The following HCN1 variants were observed in gnomAD, a reference collection of about 807,000 sequenced individuals.
HCN1 encodes hyperpolarization activated cyclic nucleotide gated potassium channel 1.
HCN1 carries 13 observed loss-of-function variants against 78.9 expected under a neutral mutation model. The ratio of observed to expected loss-of-function variants is 0.16; its 90% CI spans 0.11 to 0.26. The LOEUF (loss-of-function observed/expected upper bound fraction) is 0.26, where lower values mean the gene tolerates loss of function less well. Among genes scored for constraint, HCN1 ranks in the 10% least tolerant of loss-of-function variants. The pLI is 1.00. For missense variants in HCN1, 810 were observed against 1,154.3 expected (o/e 0.70, Z 4.32); for synonymous variants, 552 against 455.5 (o/e 1.21, Z -2.70).
chr5:45,264,162 G>T (rs1744808148), intron 7 of HCN1, among the ~76,000 whole-genome samples: 3 of 152,278 alleles, frequency 2.0e-5, no homozygotes, highest in Admixed American at 2.0e-4. Context: ...CTGAATGGTT[G>T]TTGTGAGGAC....
Position 45,688,527 on chromosome 5 carries a change from T to G in HCN1, c.425+7142A>C, listed in dbSNP as rs1056638616. Among the ~76,000 whole-genome samples the G allele has an allele frequency of 2.6e-4, 40 of 152,116 alleles. 1 individual carries two copies. Among genetic ancestry groups the G allele is most frequent in the Non-Finnish European group, 7.4e-5 (5 of 67,972 alleles). ...GAGCTTTCATTGCTTTCATCTGAATTTATTAACTCTAAGATTAAATGTTCT... is the reference window on the plus strand; with the variant it reads ...GAGCTTTCATTGCTTTCATCTGAATGTATTAACTCTAAGATTAAATGTTCT... On this transcript the variant is annotated intron_variant, in intron 1 of 7. Coordinates refer to ENST00000303230, the MANE Select transcript of HCN1 (RefSeq NM_021072.4).
chr5:45,311,731 C>T (rs537496432), intron 5 of HCN1, among the ~76,000 whole-genome samples: 20 of 152,298 alleles, frequency 1.3e-4, no homozygotes, highest in Admixed American at 6.5e-5. Context: ...CATAAGGTTT[C>T]TCATTGAAAA....
chr5:45,404,498 A>ATTTT (rs34176530), intron 3 of HCN1, among the ~76,000 whole-genome samples: 5 of 146,332 alleles, frequency 3.4e-5, no homozygotes, highest in Non-Finnish European at 7.5e-5. Context: ...ACTGAAAATA[A>ATTTT]TTTTTTTTTT....
At chr5:45,390,653 G>A (rs1739534687) in intron 4 of HCN1, among the ~76,000 whole-genome samples, 1 of 152,044 alleles carries the variant, frequency 6.6e-6, no homozygotes, top group African/African-American at 2.4e-5. Flanking sequence ...TTATCACTGG[G>A]GAAAAGGGAT....
At chr5:45,505,551 G>C (rs940075605) in intron 2 of HCN1, among the ~76,000 whole-genome samples, 1 of 152,086 alleles carries the variant, frequency 6.6e-6, no homozygotes, top group African/African-American at 2.4e-5. Flanking sequence ...CTCCCGCTTT[G>C]TTCTTTTGGC....
intron 3 of HCN1, among the ~76,000 whole-genome samples, chr5:45,426,542 A>T (rs2112072614): frequency 6.6e-6 from 1 of 152,208 alleles, no homozygotes; most frequent in African/African-American, 2.4e-5. Flanking sequence ...CCCTGCACAT[A>T]CTTTCTCTTG....
chr5:45,610,950 A>T (rs1013976295), intron 2 of HCN1, among the ~76,000 whole-genome samples: 7 of 152,102 alleles, frequency 4.6e-5, no homozygotes, highest in Non-Finnish European at 7.4e-5. Flanking sequence ...TTTGTTTAAT[A>T]ATAATAAAAA....
intron 2 of HCN1, among the ~76,000 whole-genome samples, chr5:45,596,551 A>T (rs1744500560): frequency 6.6e-6 from 1 of 152,188 alleles, no homozygotes. Flanking sequence ...ACACAGGGGC[A>T]AGCAGCAAAA....
intron 2 of HCN1, among the ~76,000 whole-genome samples, chr5:45,600,762 A>G (rs1744606298): frequency 6.6e-6 from 1 of 152,182 alleles, no homozygotes; most frequent in Admixed American, 6.6e-5. Context: ...ACACAAGATG[A>G]ATGTCAAATA....
intron 2 of HCN1, among the ~76,000 whole-genome samples, chr5:45,617,651 T>C (rs1045420620): frequency 6.6e-6 from 1 of 152,110 alleles, no homozygotes; most frequent in Non-Finnish European, 1.5e-5. Context: ...ACAGCCTTAA[T>C]TTCCTTTTGT....
intron 1 of HCN1, among the ~76,000 whole-genome samples, chr5:45,657,828 T>C (rs868448567): frequency 2.0e-5 from 3 of 152,290 alleles, no homozygotes; most frequent in African/African-American, 7.2e-5. Context: ...AGGTAATTTA[T>C]AGATTCAATG....
chr5:45,391,476 T>C (rs1030160058), intron 4 of HCN1, among the ~76,000 whole-genome samples: 24 of 152,146 alleles, frequency 1.6e-4, no homozygotes, highest in African/African-American at 4.3e-4. Context: ...ATAATGGTAT[T>C]ATTCATAAAT....
rs534166905 is a variant in HCN1, at chr5:45,302,819, C to A, written c.1618+780G>T. Among the ~76,000 whole-genome samples the A allele has an allele frequency of 1.7e-4, 26 of 151,966 alleles. 1 individual carries two copies. The highest frequency in any genetic ancestry group is 6.3e-4 in the African/African-American group (26 of 41,476). ...TGATAGGGAATAAGTCTCACAAGAT[C>A]TGATGGGTTCATCAGGGGTTTCTGC... On this transcript the variant is annotated intron_variant, in intron 6 of 7. Transcript: ENST00000303230.
intron 4 of HCN1, among the ~76,000 whole-genome samples, chr5:45,373,984 AAT>A (rs1491126459): frequency 8.5e-5 from 9 of 105,398 alleles, no homozygotes; most frequent in South Asian, 2.5e-4. Context: ...GTAGATACAT[AAT>A]ATATATAATA....
chr5:45,633,062 C>G (rs1292176228), intron 2 of HCN1, among the ~76,000 whole-genome samples: 1 of 151,774 alleles, frequency 6.6e-6, no homozygotes, highest in Admixed American at 6.6e-5. Context: ...ATCCATACTA[C>G]AAGAAAAAGA....
At chr5:45,690,121 C>T (rs1370742131) in intron 1 of HCN1, among the ~76,000 whole-genome samples, 2 of 151,966 alleles carry the variant, frequency 1.3e-5, no homozygotes, top group Non-Finnish European at 2.9e-5. Context: ...CTGTATACAA[C>T]AAAGCTGATA....
At chr5:45,348,019 A>G (rs1436529579) in intron 5 of HCN1, among the ~76,000 whole-genome samples, 1 of 152,204 alleles carries the variant, frequency 6.6e-6, no homozygotes, top group Non-Finnish European at 1.5e-5. Flanking sequence ...AGAGAACGCC[A>G]CAAAGATACT....
chr5:45,385,669 C>A (rs1052056319), intron 4 of HCN1, among the ~76,000 whole-genome samples: 12 of 152,192 alleles, frequency 7.9e-5, no homozygotes, highest in African/African-American at 2.6e-4. Context: ...TTAAAAATCC[C>A]ATTTGTCTTT....
In HCN1 at chr5:45,487,208, C is replaced by T. The variant is rs544701275; in HGVS notation, c.850-25201G>A. 1.1e-3 allele frequency among the ~76,000 whole-genome samples: 173 copies of T among 152,160 alleles called. 1 individual carries two copies. The highest frequency in any genetic ancestry group is 4.1e-3 in the African/African-American group (169 of 41,556). The stretch of plus-strand genomic sequence containing the variant: ...TCACAGTCTATTCAATAGTAATTTT[C>T]ATTGCTGAAAAATGTTTTTGATTAA... On this transcript the variant is annotated intron_variant, in intron 2 of 7. Transcript: ENST00000303230.
Sources: allele counts gnomAD v4.1 joint callset (sites outside exome capture counted in the v4.1 genomes callset), GRCh38; gene constraint gnomAD v4.1.1; transcripts MANE v1.5; gene names NCBI Gene and HGNC (gene_info 2026-07-23, HGNC 2026-07-21).